Variants in ADGRV1 observed in about 807,000 individuals in gnomAD.
ADGRV1 encodes the protein adhesion G protein-coupled receptor V1, also known as G-protein coupled receptor 98.
In ADGRV1, 359 loss-of-function variants were observed where a neutral mutation model predicts 596.2. The ratio of observed to expected loss-of-function variants is 0.60; its 90% CI spans 0.55 to 0.66. The LOEUF (loss-of-function observed/expected upper bound fraction) is 0.66, where lower values mean the gene tolerates loss of function less well. Ranked by LOEUF, ADGRV1 falls within the 30% of genes least tolerant of loss-of-function variation. The pLI is 0.00. For synonymous variants in ADGRV1, 2,681 were observed against 2,679.2 expected (o/e 1.00, Z -0.02); for missense variants, 7,274 against 7,575.6 (o/e 0.96, Z 1.48).
chr5:90,816,767 T>C (rs936812600), intron 75 of ADGRV1, among the ~76,000 whole-genome samples: 2 of 151,842 alleles, frequency 1.3e-5, no homozygotes, highest in Admixed American at 6.6e-5. Context: ...CTGCATAGTA[T>C]TCCATGGTGT....
intron 38 of ADGRV1, among the ~76,000 whole-genome samples, chr5:90,706,658 C>G (rs1337788482): frequency 1.3e-5 from 2 of 151,084 alleles, no homozygotes; most frequent in Admixed American, 6.6e-5. Flanking sequence ...TAGTAAGACA[C>G]TTCTAGTAAC....
intron 84 of ADGRV1, among the ~76,000 whole-genome samples, chr5:90,983,847 G>A (rs1339337293): frequency 1.3e-5 from 2 of 152,074 alleles, no homozygotes; most frequent in African/African-American, 4.8e-5. Context: ...ATCCTTCCCT[G>A]GTTTAGCCTA....
chr5:91,062,376 G>A (rs776540940), intron 85 of ADGRV1, among the ~76,000 whole-genome samples: 6 of 152,176 alleles, frequency 3.9e-5, no homozygotes, highest in Middle Eastern at 3.2e-3. Context: ...AGCAAGAATC[G>A]TTGTCTCTGA....
chr5:91,062,953 CTTTTTT>C lies in ADGRV1; in HGVS notation c.18153-9476_18153-9471del, dbSNP rs70973726. 1.2e-3 allele frequency among the ~76,000 whole-genome samples: 94 copies of C among 80,846 alleles called. No individual in the cohort carries two copies. In the East Asian group the frequency reaches 0.026, roughly 22 times the overall value. 53.0% of individuals were successfully genotyped at this position (80,846 alleles called of 152,430 possible). On this transcript the variant is annotated intron_variant, in intron 85 of 89. Transcript: ENST00000405460. ...GTGTGCTAGAAGAGTGTTTCTCAAA[CTTTTTT>C]TTTTTTTTTTTTTTTTTGAGGCAGA...
rs1794719401 is a variant in ADGRV1 at position 91,137,280 on chromosome 5, G to A, written c.18433-12750G>A. Among the ~76,000 whole-genome samples, 3 of 152,124 alleles carry A rather than the reference G, an allele frequency of 2.0e-5. No homozygotes were observed. In the South Asian group the frequency reaches 6.2e-4, roughly 32 times the overall value. ...GTTTTCCATTCGACTTTCATCACAA[G>A]ATGGGTGACACAGGACCTCACCTAA... On this transcript the variant is annotated intron_variant, in intron 87 of 89. Coordinates refer to ENST00000405460, the MANE Select transcript of ADGRV1 (RefSeq NM_032119.4).
intron 83 of ADGRV1, among the ~76,000 whole-genome samples, chr5:90,873,203 C>CT (rs1768873877): frequency 6.6e-6 from 1 of 152,206 alleles, no homozygotes; most frequent in Admixed American, 6.5e-5. Context: ...GCAGCCTTTC[C>CT]TATAGGCTAG....
intron 62 of ADGRV1, 73 bp downstream of exon 62, chr5:90,778,116 T>C: frequency 6.8e-7 from 1 of 1,465,226 alleles, no homozygotes; most frequent in Admixed American, 2.0e-5. Context: ...TGAGCATATG[T>C]GTATGTGTGG....
intron 83 of ADGRV1, among the ~76,000 whole-genome samples, chr5:90,896,472 G>T (rs114826543): frequency 0.02 from 2,975 of 151,692 alleles, 86 homozygotes; most frequent in African/African-American, 0.069. Context: ...ATAGGGTTTT[G>T]CCATGTTGCC....
At chr5:90,719,247 C>T (rs2149761632) in intron 43 of ADGRV1, among the ~76,000 whole-genome samples, 1 of 152,116 alleles carries the variant, frequency 6.6e-6, no homozygotes, top group East Asian at 1.9e-4. Context: ...ATAACTTGAA[C>T]TTGGGAGGTG....
chr5:90,749,965 G>GCC (rs1262152988), intron 52 of ADGRV1, among the ~76,000 whole-genome samples: 1 of 152,198 alleles, frequency 6.6e-6, no homozygotes, highest in Non-Finnish European at 1.5e-5. Context: ...AAAGGAGGCA[G>GCC]AAGAGCCCAC....
intron 83 of ADGRV1, among the ~76,000 whole-genome samples, chr5:90,904,788 TA>T (rs1468825633): frequency 2.6e-5 from 4 of 152,154 alleles, no homozygotes; most frequent in Middle Eastern, 3.4e-3. Context: ...GCTTGTAGGG[TA>T]TTACTCTAGA....
chr5:90,622,166 G>T (rs73181617), intron 4 of ADGRV1, among the ~76,000 whole-genome samples: 2,877 of 152,268 alleles, frequency 0.019, 80 homozygotes, highest in African/African-American at 0.065. Flanking sequence ...GCTTTTCACT[G>T]ACAAGCTGGC....
At chr5:91,010,318 T>C (rs1782621321) in intron 85 of ADGRV1, among the ~76,000 whole-genome samples, 2 of 152,108 alleles carry the variant, frequency 1.3e-5, no homozygotes, top group African/African-American at 4.8e-5. Context: ...CACACATCTA[T>C]CCATCTTCTA....
At chr5:91,095,278 A>G (rs1790757310) in intron 86 of ADGRV1, among the ~76,000 whole-genome samples, 1 of 151,930 alleles carries the variant, frequency 6.6e-6, no homozygotes, top group Non-Finnish European at 1.5e-5. Context: ...CAGCTCACTG[A>G]AACCTCCACC....
chr5:90,855,736 C>T lies in ADGRV1; in HGVS notation c.17595-5C>T. The T allele has an allele frequency of 1.9e-6, 3 of 1,553,452 alleles. No individual in the cohort carries two copies. The highest frequency in any genetic ancestry group is 2.3e-5 in the East Asian group (1 of 43,106). On this transcript the variant is annotated splice_region_variant and splice_polypyrimidine_tract_variant and intron_variant, in intron 81 of 89. Transcript: ENST00000405460. ...GGAAAAATGACTATTGTGTTTTTGC[C>T]CTAGCTGGTTGTCTGACAGTCAGTT...
intron 83 of ADGRV1, among the ~76,000 whole-genome samples, chr5:90,919,508 TAAC>T (rs1214006938): frequency 6.6e-6 from 1 of 152,216 alleles, no homozygotes; most frequent in African/African-American, 2.4e-5. Context: ...AGATAAAAAA[TAAC>T]AACTGGACTT....
intron 87 of ADGRV1, among the ~76,000 whole-genome samples, chr5:91,136,336 G>C (rs1331149077): frequency 6.6e-6 from 1 of 152,148 alleles, no homozygotes; most frequent in Non-Finnish European, 1.5e-5. Context: ...ATTGTATTTA[G>C]ACCTACACTT....
intron 87 of ADGRV1, among the ~76,000 whole-genome samples, chr5:91,129,047 G>A (rs1160846600): frequency 6.6e-6 from 1 of 152,166 alleles, no homozygotes; most frequent in African/African-American, 2.4e-5. Flanking sequence ...AGAAATCAAT[G>A]CATACTTGTG....
At chr5:91,027,837 A>C (rs1188814010) in intron 85 of ADGRV1, among the ~76,000 whole-genome samples, 2 of 152,162 alleles carry the variant, frequency 1.3e-5, no homozygotes, top group Non-Finnish European at 2.9e-5. Context: ...TATTGACAAT[A>C]ATTGTTGGTA....
Sources: gnomAD v4.1 joint callset for allele counts (sites outside exome capture counted in the v4.1 genomes callset) on GRCh38, gnomAD v4.1.1 for gene constraint, MANE v1.5 for transcripts, NCBI Gene and HGNC (gene_info 2026-07-23, HGNC 2026-07-21) for gene names.